KCNT2: variants seen among roughly 807,000 people sequenced by gnomAD.
KCNT2 encodes potassium sodium-activated channel subfamily T member 2.
In KCNT2, 67 loss-of-function variants were observed where a neutral mutation model predicts 153.8. The observed-to-expected ratio is 0.44, with a 90% CI of 0.36 to 0.53. The LOEUF is 0.53. Among genes scored for constraint, KCNT2 ranks in the 20% least tolerant of loss-of-function variants. KCNT2 has a pLI of 0.00. For synonymous variants in KCNT2, 500 were observed against 458.8 expected, an observed-to-expected ratio of 1.09 and a Z score of -1.15; for missense variants, 975 against 1,354.8, an observed-to-expected ratio of 0.72 and a Z score of 4.40.
chr1:196,519,374 C>T (rs1271995175), intron 1 of KCNT2, among the ~76,000 whole-genome samples: 1 of 151,988 alleles, frequency 6.6e-6, no homozygotes, highest in Non-Finnish European at 1.5e-5. Context: ...CTTAACATCA[C>T]AACTAGAAAA....
At chr1:196,595,570 A>G (rs931239771) in intron 1 of KCNT2, among the ~76,000 whole-genome samples, 3 of 152,122 alleles carry the variant, frequency 2.0e-5, no homozygotes, top group Non-Finnish European at 4.4e-5. Context: ...ACTTAATCAT[A>G]CCCTCCCATC....
At chr1:196,350,434 G>C (rs1339457619) in intron 14 of KCNT2, among the ~76,000 whole-genome samples, 1 of 152,152 alleles carries the variant, frequency 6.6e-6, no homozygotes. Flanking sequence ...TTGTGGTTTT[G>C]ATTTGCATTT....
intron 27 of KCNT2, among the ~76,000 whole-genome samples, chr1:196,229,070 G>T (rs1003709534): frequency 1.3e-5 from 2 of 152,082 alleles, no homozygotes; most frequent in Non-Finnish European, 2.9e-5. Flanking sequence ...TTTGTTTTCA[G>T]AGAGTTGTCT....
At chr1:196,336,091 C>T (rs113347192) in intron 16 of KCNT2, among the ~76,000 whole-genome samples, 7,542 of 152,180 alleles carry the variant, frequency 0.05, 286 homozygotes, top group Non-Finnish European at 0.072. Flanking sequence ...ACTGAATACA[C>T]CCAGACAGTT....
rs116432587 is a variant in KCNT2 at position 196,466,725 on chromosome 1, A to G, written c.543+978T>C. ...TTTCTTTGCAGATGAAGATAATAGC[A>G]GAGAAGTTAGATCATTTGCCCATCA... On this transcript the variant is annotated intron_variant, in intron 7 of 27. Coordinates refer to ENST00000294725, the MANE Select transcript of KCNT2 (RefSeq NM_198503.5). Among the ~76,000 whole-genome samples, 561 of 152,194 alleles carry G rather than the reference A, an allele frequency of 3.7e-3. 3 individuals are homozygous for G. The highest frequency in any genetic ancestry group is 6.2e-3 in the Non-Finnish European group (421 of 67,984).
At chr1:196,301,474 T>C (rs1284705906) in intron 22 of KCNT2, among the ~76,000 whole-genome samples, 1 of 152,182 alleles carries the variant, frequency 6.6e-6, no homozygotes, top group Non-Finnish European at 1.5e-5. Context: ...TATTCTTCAC[T>C]AAGTAGCTAC....
At chr1:196,452,142 A>G (rs1676267493) in intron 8 of KCNT2, among the ~76,000 whole-genome samples, 1 of 151,958 alleles carries the variant, frequency 6.6e-6, no homozygotes, top group Non-Finnish European at 1.5e-5. Flanking sequence ...GAGTTGTACA[A>G]GTGCACGACT....
At chr1:196,420,701 A>G (rs1473019284) in intron 12 of KCNT2, among the ~76,000 whole-genome samples, 2 of 152,026 alleles carry the variant, frequency 1.3e-5, no homozygotes, top group Non-Finnish European at 1.5e-5. Flanking sequence ...TCTTGTGTCA[A>G]TGTCAATAGA....
At chr1:196,520,943 C>T (rs1653301093) in intron 1 of KCNT2, among the ~76,000 whole-genome samples, 1 of 152,264 alleles carries the variant, frequency 6.6e-6, no homozygotes, top group Non-Finnish European at 1.5e-5. Flanking sequence ...CAAAAATTGA[C>T]AAATTGGATC....
At chr1:196,492,363 A>G (rs748972147) in intron 1 of KCNT2, 22 bp from the exon 2 acceptor site, 2 of 1,325,502 alleles carry the variant, frequency 1.5e-6, no homozygotes, top group South Asian at 1.6e-5. Flanking sequence ...AAATAAAAAC[A>G]TGTAAATGTA....
intron 1 of KCNT2, among the ~76,000 whole-genome samples, chr1:196,498,372 A>C (rs1680417931): frequency 6.6e-6 from 1 of 152,196 alleles, no homozygotes; most frequent in South Asian, 2.1e-4. Context: ...GACATAGATC[A>C]CTATCAGAGG....
intron 1 of KCNT2, among the ~76,000 whole-genome samples, chr1:196,529,343 A>G (rs1469921836): frequency 6.6e-6 from 1 of 152,100 alleles, no homozygotes; most frequent in East Asian, 1.9e-4. Flanking sequence ...AAACATCCAA[A>G]CATTGTTTTC....
At chr1:196,254,895 GA>G (rs1259662387) in intron 26 of KCNT2, among the ~76,000 whole-genome samples, 1 of 151,510 alleles carries the variant, frequency 6.6e-6, no homozygotes, top group African/African-American at 2.4e-5. Flanking sequence ...GACAAGCCTA[GA>G]CACTGTTAGT....
intron 21 of KCNT2, among the ~76,000 whole-genome samples, chr1:196,313,386 T>C (rs1662382306): frequency 6.6e-6 from 1 of 151,542 alleles, no homozygotes; most frequent in South Asian, 2.1e-4. Context: ...ATTCAAAGGA[T>C]CATCTAGGTA....
chr1:196,292,975 C>A (rs1660338717), intron 22 of KCNT2, among the ~76,000 whole-genome samples: 2 of 151,606 alleles, frequency 1.3e-5, no homozygotes, highest in African/African-American at 2.4e-5. Context: ...TGTTTCTTTA[C>A]CCTAAAAACA....
At chr1:196,382,396 C>T (rs1332249003) in intron 13 of KCNT2, among the ~76,000 whole-genome samples, 1 of 151,912 alleles carries the variant, frequency 6.6e-6, no homozygotes, top group Non-Finnish European at 1.5e-5. Flanking sequence ...CGTGAGCCAC[C>T]GCGCCCGGCC....
intron 14 of KCNT2, among the ~76,000 whole-genome samples, chr1:196,353,109 G>T (rs1194835342): frequency 6.6e-6 from 1 of 151,864 alleles, no homozygotes; most frequent in Non-Finnish European, 1.5e-5. Flanking sequence ...AAGAGTATGG[G>T]CTGCTCCACA....
At chr1:196,277,252 A>G (rs1658654825) in intron 25 of KCNT2, among the ~76,000 whole-genome samples, 1 of 152,206 alleles carries the variant, frequency 6.6e-6, no homozygotes, top group Admixed American at 6.6e-5. Context: ...TAAATGACTA[A>G]TAAGTTAACT....
intron 1 of KCNT2, among the ~76,000 whole-genome samples, chr1:196,562,222 T>G (rs1400242653): frequency 6.6e-6 from 1 of 151,876 alleles, no homozygotes; most frequent in African/African-American, 2.4e-5. Flanking sequence ...TGGAATAAAA[T>G]ATTTTGATTT....
Sources: allele counts gnomAD v4.1 joint callset (sites outside exome capture counted in the v4.1 genomes callset), GRCh38; gene constraint gnomAD v4.1.1; transcripts MANE v1.5; gene names NCBI Gene and HGNC (gene_info 2026-07-23, HGNC 2026-07-21).